Variants in HTR2B observed in about 807,000 individuals in gnomAD.
The protein encoded by HTR2B is 5-HT 2B receptor.
In HTR2B, 31 loss-of-function variants were observed where a neutral mutation model predicts 39.8. The observed-to-expected ratio is 0.78, with a 90% confidence interval of 0.58 to 1.05. The LOEUF is 1.05. Among genes scored for constraint, HTR2B ranks in the 50% least tolerant of loss-of-function variants. HTR2B has a pLI of 0.00. For synonymous variants in HTR2B, 210 were observed against 207.1 expected (o/e 1.01, Z -0.12); for missense variants, 562 against 578.0 (o/e 0.97, Z 0.28).
At chr2:231,121,104 T>A (rs1047835525) in intron 2 of HTR2B, among the ~76,000 whole-genome samples, 2 of 152,226 alleles carry the variant, frequency 1.3e-5, no homozygotes, top group Non-Finnish European at 2.9e-5. Context: ...CTTTAAATAA[T>A]GCAATAATGT....
Position 231,108,343 on chromosome 2 carries a change from A to G in HTR2B, c.*174T>C. ...GTAGCTATATAAAATTATTTTCCTC[A>G]TGGAATAATCTTGTCCAAATTAGGA... On this transcript the variant is annotated 3_prime_UTR_variant, in exon 4 of 4. Coordinates refer to ENST00000258400, the MANE Select transcript of HTR2B (RefSeq NM_000867.5). 1.8e-6 allele frequency: 1 copy of G among 571,084 alleles called. No individual in the cohort carries two copies. Among genetic ancestry groups the G allele is most frequent in the Non-Finnish European group, 3.1e-6 (1 of 327,668 alleles). The allele number at this position is 571,084 out of a possible 1,614,324, so 35.4% of individuals were successfully genotyped here.
In HTR2B at chr2:231,113,747, C is replaced by G. The variant is rs1468503747; in HGVS notation, c.535G>C (p.Val179Leu). 1 of 1,613,974 alleles carries G rather than the reference C, an allele frequency of 6.2e-7. No homozygotes were observed. The highest frequency in any genetic ancestry group is 8.5e-7 in the Non-Finnish European group (1 of 1,179,886). ...RATAFIKITV[V>L]WLISIGIAIP... The stretch of plus-strand genomic sequence containing the variant: ...TACATACCTATTGAAATTAACCACA[C>G]CACTGTAATCTTGATGAATGCTGTA... The change falls in exon 3 of 4, where the codon GTG becomes CTG. Residue 179 changes from valine (V) to leucine (L), a missense_variant. Physicochemically the swap from Val to Leu is conservative, Grantham distance 32. Transcript: ENST00000258400.
At chr2:231,111,789 A>G (rs1226333761) in intron 3 of HTR2B, among the ~76,000 whole-genome samples, 1 of 152,230 alleles carries the variant, frequency 6.6e-6, no homozygotes, top group Non-Finnish European at 1.5e-5. Flanking sequence ...TACAAAAGGA[A>G]GAAGTGGATT....
intron 2 of HTR2B, 66 bp downstream of exon 2, chr2:231,123,347 T>C: frequency 9.0e-7 from 1 of 1,106,228 alleles, no homozygotes; most frequent in South Asian, 1.3e-5. Flanking sequence ...ATTAAATGAG[T>C]GTCCATTCTC....
chr2:231,115,950 T>A (rs548736569), intron 2 of HTR2B, among the ~76,000 whole-genome samples: 14 of 152,116 alleles, frequency 9.2e-5, no homozygotes, highest in Non-Finnish European at 1.6e-4. Context: ...TTTGGAAGAC[T>A]TTCTGGTAAG....
At chr2:231,109,673 A>G (rs1695089699) in intron 3 of HTR2B, among the ~76,000 whole-genome samples, 1 of 152,206 alleles carries the variant, frequency 6.6e-6, no homozygotes, top group South Asian at 2.1e-4. Flanking sequence ...TATATCCATG[A>G]TACAGTGGAG....
intron 3 of HTR2B, among the ~76,000 whole-genome samples, chr2:231,113,135 G>A (rs529636206): frequency 6.6e-6 from 1 of 152,254 alleles, no homozygotes; most frequent in African/African-American, 2.4e-5. Context: ...TTGCACTCTA[G>A]CCTGGGTGAC....
At chr2:231,116,684 T>A (rs1399841238) in intron 2 of HTR2B, among the ~76,000 whole-genome samples, 2 of 152,088 alleles carry the variant, frequency 1.3e-5, no homozygotes, top group African/African-American at 4.8e-5. Flanking sequence ...TGAAGCCCTG[T>A]TAGCCTCACT....
chr2:231,120,826 C>T (rs1695516037), intron 2 of HTR2B, among the ~76,000 whole-genome samples: 1 of 152,118 alleles, frequency 6.6e-6, no homozygotes, highest in South Asian at 2.1e-4. Context: ...TTTGTACAAA[C>T]GTTAGAAGTC....
chr2:231,123,429 G>T lies in HTR2B; in HGVS notation c.336C>A (p.Leu112=). 1 of 1,613,342 alleles carries T rather than the reference G, an allele frequency of 6.2e-7. No individual in the cohort carries two copies. The highest frequency in any genetic ancestry group is 1.3e-5 in the African/African-American group (1 of 75,020). The change falls in exon 2 of 4, where the codon CTC becomes CTA. Residue 112 remains leucine (L), a synonymous_variant. Coordinates refer to ENST00000258400, the MANE Select transcript of HTR2B (RefSeq NM_000867.5). ...AATACTTACCAAACATTATTGTCAA[G>T]AGGGCAATTGGCATCACAAACAATC... The part of the protein sequence containing the change: ...LVGLFVMPIA[L]LTIMFEAMWP...
chr2:231,116,586 G>A (rs951845230), intron 2 of HTR2B, among the ~76,000 whole-genome samples: 2 of 151,918 alleles, frequency 1.3e-5, no homozygotes, highest in African/African-American at 2.4e-5. Context: ...TAAAAAGTAC[G>A]TGTCTTTGGA....
chr2:231,122,137 T>G (rs1260992473), intron 2 of HTR2B, among the ~76,000 whole-genome samples: 1 of 152,136 alleles, frequency 6.6e-6, no homozygotes, highest in Non-Finnish European at 1.5e-5. Context: ...AACAGGGAGA[T>G]AGAAAGACTG....
intron 2 of HTR2B, among the ~76,000 whole-genome samples, chr2:231,119,207 G>C (rs890147085): frequency 1.3e-5 from 2 of 152,238 alleles, no homozygotes; most frequent in Non-Finnish European, 2.9e-5. Flanking sequence ...CTCCATTTCA[G>C]AATTGGGTAG....
At position 231,109,385 on chromosome 2, in the gene HTR2B, T is replaced by C; in HGVS notation, c.578A>G (p.Lys193Arg). The change falls in exon 4 of 4, where the codon AAA (lysine) becomes AGA (arginine). Residue 193 changes from lysine (K) to arginine (R), a missense_variant. Coordinates refer to ENST00000258400, the MANE Select transcript of HTR2B (RefSeq NM_000867.5). ...SIGIAIPVPI[K>R]GIETDVDNPN... ...GTTGTCCACATCAGTCTCTATCCCTTTAATAGGGACTGGAATGGCAATGCC... is the reference window on the plus strand; with the variant it reads ...GTTGTCCACATCAGTCTCTATCCCTCTAATAGGGACTGGAATGGCAATGCC... 6.2e-7 allele frequency: 1 copy of C among 1,613,962 alleles called. No homozygotes were observed. The highest frequency in any genetic ancestry group is 8.5e-7 in the Non-Finnish European group (1 of 1,179,898).
Position 231,123,462 on chromosome 2 carries a change from C to A in HTR2B, c.303G>T (p.Leu101Phe). 6.2e-7 allele frequency: 1 copy of A among 1,614,052 alleles called. No individual in the cohort carries two copies. Among genetic ancestry groups the A allele is most frequent in the Non-Finnish European group, 8.5e-7 (1 of 1,179,942 alleles). ...YFLMSLAVAD[L>F]LVGLFVMPIA... is the part of the protein sequence containing the mutation. ...TTGGCATCACAAACAATCCAACCAG[C>A]AAATCAGCCACCGCCAAGGACATTA... The change falls in exon 2 of 4, where the codon TTG (leucine) becomes TTT (phenylalanine). Residue 101 changes from leucine (L) to phenylalanine (F), a missense_variant. Transcript: ENST00000258400.
chr2:231,114,107 G>A (rs2125215323), intron 2 of HTR2B, among the ~76,000 whole-genome samples, 178 bp from the exon 3 acceptor site: 1 of 152,134 alleles, frequency 6.6e-6, no homozygotes, highest in South Asian at 2.1e-4. Context: ...ATATTTCTGT[G>A]GATGGTAACT....
rs1165324858 is a variant in HTR2B at position 231,109,255 on chromosome 2, G to C, written c.708C>G (p.Thr236=). Residue 236 remains threonine (T), a synonymous_variant, in exon 4 of 4, where the codon ACC becomes ACG. Transcript: ENST00000258400. ...GTAAAGCATGGATAGTGAGAAAGTA[G>C]GTGACAATCATAATTGCAAGAGGTG... ...FFTPLAIMIV[T]YFLTIHALQK... The C allele has an allele frequency of 1.2e-6, 2 of 1,614,034 alleles. No individual in the cohort carries two copies. The highest frequency in any genetic ancestry group is 2.2e-5 in the East Asian group (1 of 44,884).
intron 3 of HTR2B, among the ~76,000 whole-genome samples, chr2:231,112,294 C>T (rs540903374): frequency 6.6e-6 from 1 of 152,196 alleles, no homozygotes; most frequent in African/African-American, 2.4e-5. Flanking sequence ...GTCTCCCATT[C>T]CCTTTCTGTA....
At chr2:231,109,528 A>G in intron 3 of HTR2B, 119 bp from the exon 4 acceptor site, 1 of 845,130 alleles carries the variant, frequency 1.2e-6, no homozygotes, top group Non-Finnish European at 1.9e-6. Context: ...AATTCCTGGG[A>G]CCCACAATGC....
Sources: allele counts gnomAD v4.1 joint callset (sites outside exome capture counted in the v4.1 genomes callset), GRCh38; gene constraint gnomAD v4.1.1; transcripts MANE v1.5; gene names NCBI Gene and HGNC (gene_info 2026-07-23, HGNC 2026-07-21).